The following DLGAP5 variants were observed in gnomAD, a reference collection of about 807,000 sequenced individuals.
DLGAP5 encodes the protein disks large-associated protein 5.
DLGAP5 carries 90 observed loss-of-function variants against 99.6 expected under a neutral mutation model. The ratio of observed to expected loss-of-function variants is 0.90; its 90% confidence interval spans 0.76 to 1.08. The LOEUF (loss-of-function observed/expected upper bound fraction) is 1.08, where lower values mean the gene tolerates loss of function less well. Among genes scored for constraint, DLGAP5 ranks in the 50% least tolerant of loss-of-function variants. The pLI is 0.00. For synonymous variants in DLGAP5, 311 were observed against 321.3 expected (o/e 0.97, Z 0.34); for missense variants, 1,036 against 983.5 (o/e 1.05, Z -0.71).
chr14:55,176,570 C>G (rs1433539266), intron 8 of DLGAP5, among the ~76,000 whole-genome samples: 1 of 151,764 alleles, frequency 6.6e-6, no homozygotes, highest in African/African-American at 2.4e-5. Flanking sequence ...AATATAAAAA[C>G]TGTCAATTAC....
In DLGAP5 at chr14:55,176,976, GAAAAAAAAAAAAAAA is replaced by G. The variant is rs34109336; in HGVS notation, c.1049+71_1049+85del. The G allele has an allele frequency of 1.7e-4, 43 of 253,522 alleles. No homozygotes were observed. In the East Asian group the frequency reaches 2.4e-3, roughly 14 times the overall value. The allele number at this position is 253,522 out of a possible 1,614,324, so 15.7% of individuals were successfully genotyped here. On this transcript the variant is annotated intron_variant, in intron 8 of 18. Transcript: ENST00000247191. ...CTGGGCGACAGAGCGAACTCCGTCT[GAAAAAAAAAAAAAAA>G]AAAAAAAAAAAAAGAAAGGCATTTA...
chr14:55,172,768 G>C (rs113065061), intron 10 of DLGAP5, among the ~76,000 whole-genome samples: 1 of 152,014 alleles, frequency 6.6e-6, no homozygotes, highest in Non-Finnish European at 1.5e-5. Context: ...CGGATCACAA[G>C]GTCAGGAGTT....
At chr14:55,163,375 A>T (rs1204311456) in intron 12 of DLGAP5, among the ~76,000 whole-genome samples, 1 of 152,238 alleles carries the variant, frequency 6.6e-6, no homozygotes, top group African/African-American at 2.4e-5. Context: ...TTGTTTCTTA[A>T]ATTACACAAT....
intron 14 of DLGAP5, among the ~76,000 whole-genome samples, chr14:55,155,432 C>T (rs532886637): frequency 5.3e-5 from 8 of 151,448 alleles, no homozygotes; most frequent in East Asian, 3.9e-4. Flanking sequence ...CTGCAACCTC[C>T]GCCTCCTGGG....
chr14:55,163,962 C>T (rs964428804), intron 12 of DLGAP5, among the ~76,000 whole-genome samples: 6 of 152,160 alleles, frequency 3.9e-5, no homozygotes, highest in East Asian at 1.9e-4. Context: ...AATATTTCTC[C>T]GAATCTGTGC....
rs1347976488 is a variant in DLGAP5 at position 55,154,765 on chromosome 14, T to C, written c.1915A>G (p.Thr639Ala). ...ACAGCTTTGTTGACAGACTTAGGTGTTCCAAGTCTTTGAGAAGGGCCTTCA... is the reference window on the plus strand; with the variant it reads ...ACAGCTTTGTTGACAGACTTAGGTGCTCCAAGTCTTTGAGAAGGGCCTTCA... ...SSEGPSQRLG[T>A]PKSVNKAVSQ... Residue 639 changes from threonine to alanine, a missense_variant, in exon 15 of 19, where the codon ACA becomes GCA. Thr to Ala is a moderately conservative substitution (Grantham distance 58). Coordinates refer to ENST00000247191, the MANE Select transcript of DLGAP5 (RefSeq NM_014750.5). 1.9e-6 allele frequency: 3 copies of C among 1,614,128 alleles called. No homozygotes were observed. The highest frequency in any genetic ancestry group is 2.2e-5 in the East Asian group (1 of 44,872).
At chr14:55,155,410 G>C (rs1882177536) in intron 14 of DLGAP5, among the ~76,000 whole-genome samples, 3 of 146,782 alleles carry the variant, frequency 2.0e-5, no homozygotes, top group Admixed American at 6.8e-5. Context: ...GTAATGGCAT[G>C]ATCTTGGCTC....
At chr14:55,162,876 AAGAAGT>A (rs1882497184) in intron 13 of DLGAP5, 89 bp downstream of exon 13, 18 of 526,306 alleles carry the variant, frequency 3.4e-5, no homozygotes, top group South Asian at 8.8e-5. Flanking sequence ...ACTTAAAAAC[AAGAAGT>A]AGAAGAATCT....
At position 55,149,785 on chromosome 14, in the gene DLGAP5, C is replaced by T. The variant is rs11621271; in HGVS notation, c.2418+1014G>A. The stretch of plus-strand genomic sequence containing the variant: ...TATCGGCCAGGCACGGTGGCTCACG[C>T]CTGTAATCCCAGCACTTTGAGAATC... On this transcript the variant is annotated intron_variant, in intron 18 of 18. Transcript: ENST00000247191. 5.1e-3 allele frequency among the ~76,000 whole-genome samples: 689 copies of T among 135,986 alleles called. 5 individuals are homozygous for T. Among genetic ancestry groups the T allele is most frequent in the Non-Finnish European group, 8.7e-3 (567 of 65,190 alleles). 89.2% of individuals were successfully genotyped at this position (135,986 alleles called of 152,430 possible). A position where few individuals can be genotyped will look rare whatever the true frequency, so the allele number is the denominator to read the frequency against.
At chr14:55,183,304 C>T (rs1339749317) in intron 3 of DLGAP5, among the ~76,000 whole-genome samples, 1 of 152,216 alleles carries the variant, frequency 6.6e-6, no homozygotes, top group Non-Finnish European at 1.5e-5. Context: ...GCAAAACCTA[C>T]AGGATAAACA....
chr14:55,171,014 GATAATAC>G (rs1882840706), intron 10 of DLGAP5, among the ~76,000 whole-genome samples: 1 of 152,184 alleles, frequency 6.6e-6, no homozygotes, highest in South Asian at 2.1e-4. Context: ...TATGTGGCTG[GATAATAC>G]CAAGAACCTA....
chr14:55,180,612 A>G (rs767068819), intron 6 of DLGAP5, 44 bp downstream of exon 6: 8 of 1,609,352 alleles, frequency 5.0e-6, no homozygotes, highest in Non-Finnish European at 6.8e-6. Context: ...AACCTCAAGG[A>G]CCAAACATTC....
At chr14:55,148,943 T>C (rs1011306049) in intron 18 of DLGAP5, among the ~76,000 whole-genome samples, 5 of 152,160 alleles carry the variant, frequency 3.3e-5, no homozygotes, top group African/African-American at 1.2e-4. Context: ...TCCTAAACCA[T>C]ATAATAGCAC....
At chr14:55,191,400 C>G (rs1173557555) in intron 1 of DLGAP5, 63 bp downstream of exon 1, 2 of 152,792 alleles carry the variant, frequency 1.3e-5, no homozygotes, top group African/African-American at 4.8e-5. Flanking sequence ...GTCCTCAGAC[C>G]CTTCTAGACC....
At chr14:55,168,250 G>T (rs576636689) in intron 12 of DLGAP5, among the ~76,000 whole-genome samples, 3 of 152,300 alleles carry the variant, frequency 2.0e-5, no homozygotes, top group South Asian at 2.1e-4. Context: ...ACTGTGCCTG[G>T]CTGAGATTTC....
chr14:55,175,287 T>G, intron 10 of DLGAP5, 59 bp downstream of exon 10: 2 of 1,522,262 alleles, frequency 1.3e-6, no homozygotes, highest in South Asian at 2.5e-5. Context: ...TTTTTAGTTT[T>G]GGTTTTAAAT....
In DLGAP5 at chr14:55,173,648, G is replaced by C. The variant is rs936283847; in HGVS notation, c.1301+1698C>G. On this transcript the variant is annotated intron_variant, in intron 10 of 18. Transcript: ENST00000247191. ...TGCAGGAAGTCAGGGACCCCAAACG[G>C]AGGGACTGGCTGAAGCCATGGCAGA... Among the ~76,000 whole-genome samples the C allele has an allele frequency of 3.3e-5, 5 of 152,212 alleles. No individual in the cohort carries two copies. In the East Asian group the frequency reaches 7.7e-4, roughly 23 times the overall value.
rs760822435 is a variant in DLGAP5, at chr14:55,169,536, C to T, written c.1411G>A (p.Val471Ile). 2 of 1,594,250 alleles carry T rather than the reference C, an allele frequency of 1.3e-6. No individual in the cohort carries two copies. The highest frequency in any genetic ancestry group is 1.7e-6 in the Non-Finnish European group (2 of 1,175,120). ...DDAKDLIRTAVGQTRLLMKER... is the reference protein window; with the variant it reads ...DDAKDLIRTAIGQTRLLMKER... ...TTCATAAGGAGTCTTGTTTGACCAA[C>T]TGCTGTGCGAATAAGATCTTTAGCT... Residue 471 changes from valine (V) to isoleucine (I), a missense_variant, in exon 12 of 19, where the codon GTT becomes ATT. Transcript: ENST00000247191.
intron 10 of DLGAP5, among the ~76,000 whole-genome samples, chr14:55,171,109 C>T (rs1173597710): frequency 6.6e-6 from 1 of 152,176 alleles, no homozygotes; most frequent in Non-Finnish European, 1.5e-5. Context: ...AAATGTGCAT[C>T]AGATTCTCAG....
Sources: gnomAD v4.1 joint callset for allele counts (sites outside exome capture counted in the v4.1 genomes callset) on GRCh38, gnomAD v4.1.1 for gene constraint, MANE v1.5 for transcripts, NCBI Gene and HGNC (gene_info 2026-07-23, HGNC 2026-07-21) for gene names.